The following GJD4 variants were observed in gnomAD, a reference collection of about 807,000 sequenced individuals.
The protein encoded by GJD4 is gap junction protein delta 4.
Under a neutral mutation model 17.9 loss-of-function variants are expected in GJD4, and 18 were observed. The observed-to-expected ratio is 1.00, with a 90% CI of 0.69 to 1.49. The LOEUF (loss-of-function observed/expected upper bound fraction) is 1.49. Ranked by LOEUF, GJD4 falls within the 40% of genes most tolerant of loss-of-function variation. The pLI, the probability that GJD4 is intolerant of heterozygous loss-of-function variation, is 0.00. For missense variants in GJD4, 639 were observed against 506.9 expected (o/e 1.26, Z -2.50); for synonymous variants, 293 against 236.8 (o/e 1.24, Z -2.18).
chr10:35,605,780 G>T, intron 1 of GJD4, 149 bp downstream of exon 1: 1 of 648,182 alleles, frequency 1.5e-6, no homozygotes. Context: ...AGAAAGGGCT[G>T]TGCCTTTCTG....
At position 35,607,752 on chromosome 10, in the gene GJD4, T is replaced by A. The variant is rs756659117; in HGVS notation, c.239T>A (p.Ile80Asn). ...GTGTCTCACCTGCGGTTCTGGCTGA[T>A]CCAGGGCGTGTGCGTCCTCCTCCCC... ...SPVSHLRFWL[I>N]QGVCVLLPSA... is the part of the protein sequence containing the mutation. The change falls in exon 2 of 2, where the codon ATC (isoleucine) becomes AAC (asparagine). Residue 80 changes from isoleucine (I) to asparagine (N), a missense_variant. By Grantham distance (149) the Ile-to-Asn change is moderately radical. Coordinates refer to ENST00000321660, the MANE Select transcript of GJD4 (RefSeq NM_153368.3). The A allele has an allele frequency of 6.2e-7, 1 of 1,612,854 alleles. No homozygotes were observed.
chr10:35,607,492 A>G (rs1835469350), intron 1 of GJD4, 86 bp from the exon 2 acceptor site: 1 of 853,538 alleles, frequency 1.2e-6, no homozygotes, highest in Non-Finnish European at 1.9e-6. Context: ...CAATTTCCCA[A>G]TCTCAGCCCC....
At position 35,607,685 on chromosome 10, in the gene GJD4, C is replaced by A. The variant is rs1340541221; in HGVS notation, c.172C>A (p.Gln58Lys). Residue 58 changes from glutamine to lysine, a missense_variant, in exon 2 of 2, where the codon CAG becomes AAG. Transcript: ENST00000321660. The part of the protein sequence containing the change: ...EQERFVCNTL[Q>K]PGCANVCYDV... ...GGAGAGGTTTGTCTGCAACACGCTGCAGCCGGGATGCGCCAATGTTTGCTA... is the reference window on the plus strand; with the variant it reads ...GGAGAGGTTTGTCTGCAACACGCTGAAGCCGGGATGCGCCAATGTTTGCTA... 2.5e-6 allele frequency: 4 copies of A among 1,614,062 alleles called. No individual in the cohort carries two copies. Among genetic ancestry groups the A allele is most frequent in the Non-Finnish European group, 3.4e-6 (4 of 1,180,030 alleles).
In GJD4 at chr10:35,608,655, G is replaced by A. The variant is rs1376707166; in HGVS notation, c.*29G>A. 4.2e-6 allele frequency: 6 copies of A among 1,437,428 alleles called. No homozygotes were observed. The highest frequency in any genetic ancestry group is 4.6e-6 in the Non-Finnish European group (5 of 1,088,534). The allele number at this position is 1,437,428 out of a possible 1,614,324, so 89.0% of individuals were successfully genotyped here. On this transcript the variant is annotated 3_prime_UTR_variant, in exon 2 of 2. Transcript: ENST00000321660. ...AAACAGCACCTGGCGGTGCCCCGGG[G>A]CTCACGCCTGTAATCCCAACACTTT...
chr10:35,606,640 T>TTTTTG (rs1835457946), intron 1 of GJD4: 1 of 152,206 alleles, frequency 6.6e-6, no homozygotes, highest in Non-Finnish European at 1.5e-5. Context: ...TACATATTTA[T>TTTTTG]TTTTGTTTTG....
chr10:35,608,601 G>C lies in GJD4; in HGVS notation c.1088G>C (p.Arg363Thr), dbSNP rs750835638. 1 of 1,515,322 alleles carries C rather than the reference G, an allele frequency of 6.6e-7. No homozygotes were observed. The highest frequency in any genetic ancestry group is 2.3e-5 in the East Asian group (1 of 42,708). The allele number at this position is 1,515,322 out of a possible 1,614,324, so 93.9% of individuals were successfully genotyped here. A position where few individuals can be genotyped will look rare whatever the true frequency, so the allele number is the denominator to read the frequency against. Reference sequence around the variant, plus strand: ...AGCTCCAGTGGTGCTCCCCACCTGAGAGCCAGGAAGTCTGAGTGGGTGTGA... The same window carrying C: ...AGCTCCAGTGGTGCTCCCCACCTGACAGCCAGGAAGTCTGAGTGGGTGTGA... Reference protein sequence around the residue: ...PASSSGAPHLRARKSEWV With the variant: ...PASSSGAPHLTARKSEWV The change falls in exon 2 of 2, where the codon AGA becomes ACA. Residue 363 changes from arginine to threonine, a missense_variant. By Grantham distance (71) the Arg-to-Thr change is moderately conservative. Coordinates refer to ENST00000321660, the MANE Select transcript of GJD4 (RefSeq NM_153368.3).
chr10:35,607,820 C>G lies in GJD4; in HGVS notation c.307C>G (p.Leu103Val), dbSNP rs780762161. 1.2e-6 allele frequency: 2 copies of G among 1,600,920 alleles called. No homozygotes were observed. ...CTATGTCCTGCACCGAGGAGCCACGCTCGCCGCGCTGGGCCCCCGCCGCTG... is the reference window on the plus strand; with the variant it reads ...CTATGTCCTGCACCGAGGAGCCACGGTCGCCGCGCTGGGCCCCCGCCGCTG... ...SVYVLHRGAT[L>V]AALGPRRCPD... The change falls in exon 2 of 2, where the codon CTC becomes GTC. Residue 103 changes from leucine to valine, a missense_variant. By Grantham distance (32) the Leu-to-Val change is conservative (BLOSUM62 1). Coordinates refer to ENST00000321660, the MANE Select transcript of GJD4 (RefSeq NM_153368.3).
chr10:35,608,750 A>G lies in GJD4; in HGVS notation c.*124A>G, dbSNP rs1835498890. The G allele has an allele frequency of 1.5e-6, 1 of 667,292 alleles. No individual in the cohort carries two copies. The highest frequency in any genetic ancestry group is 2.5e-6 in the Non-Finnish European group (1 of 408,136). The allele number at this position is 667,292 out of a possible 1,614,324, so 41.3% of individuals were successfully genotyped here. A position where few individuals can be genotyped will look rare whatever the true frequency, so the allele number is the denominator to read the frequency against. On this transcript the variant is annotated 3_prime_UTR_variant, in exon 2 of 2. Transcript: ENST00000321660. ...CCAAGAGTTTGAGACCAGCCTGGAC[A>G]ACATAATGAGACCCTCGTCTCTACA...
In GJD4 at chr10:35,607,606, G is replaced by A. The variant is rs1835470910; in HGVS notation, c.93G>A (p.Leu31=). 1.2e-6 allele frequency: 2 copies of A among 1,614,102 alleles called. No homozygotes were observed. The highest frequency in any genetic ancestry group is 1.7e-6 in the Non-Finnish European group (2 of 1,180,038). ...AGCTCTGGTTCGTCCTCACGATGCT[G>A]CTGCGGATGCTGGTGATTGTCTTGG... ...VGKLWFVLTM[L]LRMLVIVLAG... Residue 31 remains leucine (L), a synonymous_variant, in exon 2 of 2, where the codon CTG becomes CTA. Coordinates refer to ENST00000321660, the MANE Select transcript of GJD4 (RefSeq NM_153368.3).
In GJD4 at chr10:35,607,673, T is replaced by C. The variant is rs766633759; in HGVS notation, c.160T>C (p.Cys54Arg). 2 of 1,614,184 alleles carry C rather than the reference T, an allele frequency of 1.2e-6. No homozygotes were observed. The highest frequency in any genetic ancestry group is 8.5e-7 in the Non-Finnish European group (1 of 1,180,026). Residue 54 changes from cysteine to arginine, a missense_variant, in exon 2 of 2, where the codon TGC becomes CGC. By Grantham distance (180) the Cys-to-Arg change is radical. Coordinates refer to ENST00000321660, the MANE Select transcript of GJD4 (RefSeq NM_153368.3). ...CCAGGACGAGCAGGAGAGGTTTGTC[T>C]GCAACACGCTGCAGCCGGGATGCGC... ...VYQDEQERFV[C>R]NTLQPGCANV...
rs1189625218 is a variant in GJD4 at position 35,608,439 on chromosome 10, A to T, written c.926A>T (p.Gln309Leu). Reference sequence around the variant, plus strand: ...TCCGCCAGCGAAAAGCTGGGCAGACAGCCCCGGGGCAGGCCCCACCGAGAG... The same window carrying T: ...TCCGCCAGCGAAAAGCTGGGCAGACTGCCCCGGGGCAGGCCCCACCGAGAG... The part of the protein sequence containing the change: ...TSSASEKLGR[Q>L]PRGRPHREAA... Residue 309 changes from glutamine to leucine, a missense_variant, in exon 2 of 2, where the codon CAG (glutamine) becomes CTG (leucine). Coordinates refer to ENST00000321660, the MANE Select transcript of GJD4 (RefSeq NM_153368.3). The T allele has an allele frequency of 5.2e-6, 8 of 1,547,790 alleles. No individual in the cohort carries two copies. In the African/African-American group the frequency reaches 9.6e-5, roughly 19 times the overall value.
In GJD4 at chr10:35,608,197, G is replaced by C. The variant is rs75803523; in HGVS notation, c.684G>C (p.Pro228=). ...CSLRRRMRRR[P]GPPTSPSIRK... is the part of the protein sequence containing the mutation. ...TGCGGCGGCGGATGCGCAGGAGGCC[G>C]GGACCCCCCACAAGCCCCTCCATCC... Residue 228 remains proline (P), a synonymous_variant, in exon 2 of 2, where the codon CCG becomes CCC. Coordinates refer to ENST00000321660, the MANE Select transcript of GJD4 (RefSeq NM_153368.3). 98,661 of 1,590,748 alleles carry C rather than the reference G, an allele frequency of 0.062. 3,460 individuals carry two copies. The highest frequency in any genetic ancestry group is 0.072 in the Non-Finnish European group (84,696 of 1,173,494).
chr10:35,608,283 G>T lies in GJD4; in HGVS notation c.770G>T (p.Arg257Leu). 6.4e-7 allele frequency: 1 copy of T among 1,557,116 alleles called. No individual in the cohort carries two copies. Among genetic ancestry groups the T allele is most frequent in the Non-Finnish European group, 8.7e-7 (1 of 1,155,130 alleles). ...CGCCGGACTGACGAGGAGGGTGGGC[G>T]GGAGGAAGAGGGGGCACCGGCGCCC... is the stretch of plus-strand genomic sequence containing the variant. ...EGRRTDEEGG[R>L]EEEGAPAPPG... The change falls in exon 2 of 2, where the codon CGG becomes CTG. Residue 257 changes from arginine to leucine, a missense_variant. Arg to Leu is a moderately radical substitution (Grantham distance 102). Transcript: ENST00000321660.
At position 35,608,788 on chromosome 10, in the gene GJD4, A is replaced by G; in HGVS notation, c.*162A>G. 1 of 546,686 alleles carries G rather than the reference A, an allele frequency of 1.8e-6. No individual in the cohort carries two copies. The highest frequency in any genetic ancestry group is 3.1e-6 in the Non-Finnish European group (1 of 319,088). 33.9% of individuals were successfully genotyped at this position (546,686 alleles called of 1,614,324 possible). On this transcript the variant is annotated 3_prime_UTR_variant, in exon 2 of 2. Coordinates refer to ENST00000321660, the MANE Select transcript of GJD4 (RefSeq NM_153368.3). ...CCTCGTCTCTACAAAATATCTAAAAATTAGCTGGGCACAGTGGCTCCCTCC... is the reference window on the plus strand; with the variant it reads ...CCTCGTCTCTACAAAATATCTAAAAGTTAGCTGGGCACAGTGGCTCCCTCC...
intron 1 of GJD4, 103 bp from the exon 2 acceptor site, chr10:35,607,475 G>A: frequency 1.4e-6 from 1 of 735,052 alleles, no homozygotes; most frequent in Non-Finnish European, 2.3e-6. Flanking sequence ...CATGCTTATT[G>A]ACGTTTCAAT....
Position 35,608,583 on chromosome 10 carries a change from G to T in GJD4, c.1070G>T (p.Ser357Ile), listed in dbSNP as rs1207862756. The T allele has an allele frequency of 9.1e-6, 14 of 1,541,874 alleles. No homozygotes were observed. The highest frequency in any genetic ancestry group is 1.2e-5 in the Non-Finnish European group (14 of 1,148,116). The stretch of plus-strand genomic sequence containing the variant: ...CCCCCTGACCCGCCTGCCAGCTCCA[G>T]TGGTGCTCCCCACCTGAGAGCCAGG... ...LQPPDPPASS[S>I]GAPHLRARKS... The change falls in exon 2 of 2, where the codon AGT (serine) becomes ATT (isoleucine). Residue 357 changes from serine (S) to isoleucine (I), a missense_variant. Coordinates refer to ENST00000321660, the MANE Select transcript of GJD4 (RefSeq NM_153368.3).
At chr10:35,606,927 G>C (rs1835463741) in intron 1 of GJD4, 1 of 152,204 alleles carries the variant, frequency 6.6e-6, no homozygotes, top group African/African-American at 2.4e-5. Flanking sequence ...AATTTCAAGG[G>C]CCGTAGACTA....
At position 35,605,478 on chromosome 10, in the gene GJD4, T is replaced by C. The variant is rs1835443005; in HGVS notation, c.-90T>C. 7.0e-6 allele frequency: 7 copies of C among 993,816 alleles called. No homozygotes were observed. The South Asian group carries it at 9.0e-5, about 13-fold the overall frequency. 61.6% of individuals were successfully genotyped at this position (993,816 alleles called of 1,614,324 possible). A position where few individuals can be genotyped will look rare whatever the true frequency, so the allele number is the denominator to read the frequency against. On this transcript the variant is annotated 5_prime_UTR_variant, in exon 1 of 2. Transcript: ENST00000321660. ...TATCTCCAGCTCACACCTTTAAGTC[T>C]TATGTAGTTAAAGGACATTTATCCG...
intron 1 of GJD4, 86 bp downstream of exon 1, chr10:35,605,717 T>C (rs1206169466): frequency 7.5e-6 from 8 of 1,064,736 alleles, no homozygotes; most frequent in Non-Finnish European, 1.2e-5. Context: ...GGTCCAGGTA[T>C]TTACTCATTT....
Sources: allele counts gnomAD v4.1 joint callset, GRCh38; gene constraint gnomAD v4.1.1; transcripts MANE v1.5; gene names NCBI Gene and HGNC (gene_info 2026-07-23, HGNC 2026-07-21).